The following MGAT5B variants were observed in gnomAD, a reference collection of about 807,000 sequenced individuals.
The protein encoded by MGAT5B is N-acetylglucosaminyl-transferase Vb.
MGAT5B carries 54 observed loss-of-function variants against 95.1 expected under a neutral mutation model. The ratio of observed to expected loss-of-function variants is 0.57; its 90% CI spans 0.46 to 0.71. MGAT5B has a LOEUF of 0.71. Among genes scored for constraint, MGAT5B ranks in the 30% least tolerant of loss-of-function variants. The pLI is 0.00. For synonymous variants in MGAT5B, 464 were observed against 451.0 expected (o/e 1.03, Z -0.36); for missense variants, 935 against 1,088.6 (o/e 0.86, Z 1.99).
At position 76,926,745 on chromosome 17, in the gene MGAT5B, G is replaced by A. The variant is rs1387018642; in HGVS notation, c.1291+15G>A. On this transcript the variant is annotated intron_variant, in intron 10 of 17. Coordinates refer to ENST00000569840, the MANE Select transcript of MGAT5B (RefSeq NM_001199172.2). ...GACCATGTTTCGTGAGTGCCCCACA[G>A]GGCAGGGGTGGGGTCGGAGGTCCTC... is the stretch of plus-strand genomic sequence containing the variant. 1.9e-6 allele frequency: 3 copies of A among 1,611,582 alleles called. No homozygotes were observed. Among genetic ancestry groups the A allele is most frequent in the Admixed American group, 3.3e-5 (2 of 59,908 alleles).
At chr17:76,875,319 T>C (rs1382248583) in intron 2 of MGAT5B, among the ~76,000 whole-genome samples, 1 of 152,178 alleles carries the variant, frequency 6.6e-6, no homozygotes, top group Non-Finnish European at 1.5e-5. Context: ...CTTGGTGCTG[T>C]TCTTGTGATG....
At chr17:76,895,128 A>G (rs562551521) in intron 3 of MGAT5B, among the ~76,000 whole-genome samples, 1 of 152,290 alleles carries the variant, frequency 6.6e-6, no homozygotes, top group South Asian at 2.1e-4. Flanking sequence ...CAGCAGCAGC[A>G]TTAGATTCTT....
intron 8 of MGAT5B, among the ~76,000 whole-genome samples, chr17:76,907,113 G>A (rs545338428): frequency 6.6e-6 from 1 of 150,984 alleles, no homozygotes; most frequent in African/African-American, 2.4e-5. Flanking sequence ...GTGCAGTGGC[G>A]TGACCTTGGC....
At chr17:76,881,717 T>C (rs575385804) in intron 2 of MGAT5B, among the ~76,000 whole-genome samples, 10 of 152,350 alleles carry the variant, frequency 6.6e-5, no homozygotes, top group African/African-American at 2.4e-4. Context: ...AACCCTGATC[T>C]AGAAGTCCTG....
chr17:76,948,701 C>T lies in MGAT5B; in HGVS notation c.2242C>T (p.Gln748Ter). 1 of 1,613,462 alleles carries T rather than the reference C, an allele frequency of 6.2e-7. No homozygotes were observed. The highest frequency in any genetic ancestry group is 8.5e-7 in the Non-Finnish European group (1 of 1,179,854). The change falls in exon 18 of 18, where the codon CAG becomes TAG. Residue 748 changes from glutamine (Q) to a stop codon, truncating the protein, a stop_gained. Transcript: ENST00000569840. LOFTEE classifies it high-confidence loss of function. ...EMNHLYPAFA[Q>*]PGQECYLQKE... ...GAACCACCTGTACCCGGCGTTCGCCCAGCCTGGCCAGGAGTGCTACCTGCA... is the reference window on the plus strand; with the variant it reads ...GAACCACCTGTACCCGGCGTTCGCCTAGCCTGGCCAGGAGTGCTACCTGCA...
chr17:76,875,924 G>A (rs1260863158), intron 2 of MGAT5B, among the ~76,000 whole-genome samples: 1 of 151,920 alleles, frequency 6.6e-6, no homozygotes, highest in East Asian at 1.9e-4. Flanking sequence ...CATTTCCCAG[G>A]CCTCAGAAGC....
chr17:76,877,163 T>C (rs1967222276), intron 2 of MGAT5B, among the ~76,000 whole-genome samples: 1 of 151,614 alleles, frequency 6.6e-6, no homozygotes, highest in Non-Finnish European at 1.5e-5. Context: ...CCATCTCTAC[T>C]AAAAATACAA....
At chr17:76,883,462 A>G (rs1398537769) in intron 3 of MGAT5B, among the ~76,000 whole-genome samples, 1 of 152,152 alleles carries the variant, frequency 6.6e-6, no homozygotes, top group Non-Finnish European at 1.5e-5. Context: ...CTGTGCTGCT[A>G]TCCTACAAGC....
In MGAT5B at chr17:76,905,047, G is replaced by A; in HGVS notation, c.691-122G>A. 1 of 1,087,014 alleles carries A rather than the reference G, an allele frequency of 9.2e-7. No individual in the cohort carries two copies. Among genetic ancestry groups the A allele is most frequent in the Non-Finnish European group, 1.3e-6 (1 of 777,906 alleles). The allele number at this position is 1,087,014 out of a possible 1,614,324, so 67.3% of individuals were successfully genotyped here. Reference sequence around the variant, plus strand: ...GGGGCTAATGAGCCCCTTAGAAAGTGCAGGAGAAGCTGGAGCAGGCCCCAG... The same window carrying A: ...GGGGCTAATGAGCCCCTTAGAAAGTACAGGAGAAGCTGGAGCAGGCCCCAG... On this transcript the variant is annotated intron_variant, in intron 6 of 17. Coordinates refer to ENST00000569840, the MANE Select transcript of MGAT5B (RefSeq NM_001199172.2). The surrounding 1 kb of genome is among the most constrained non-coding windows in gnomAD (Gnocchi z 4.2).
intron 3 of MGAT5B, among the ~76,000 whole-genome samples, chr17:76,882,948 C>T (rs1967490357): frequency 6.6e-6 from 1 of 151,986 alleles, no homozygotes; most frequent in South Asian, 2.1e-4. Flanking sequence ...CTGCTGACCT[C>T]ATGATCCACC....
chr17:76,905,110 C>T lies in MGAT5B; in HGVS notation c.691-59C>T, dbSNP rs1332887717. 1.4e-5 allele frequency: 21 copies of T among 1,525,896 alleles called. No homozygotes were observed. Among genetic ancestry groups the T allele is most frequent in the South Asian group, 5.0e-5 (4 of 79,370 alleles). 94.5% of individuals were successfully genotyped at this position (1,525,896 alleles called of 1,614,324 possible). ...GTGCCAGCCCCTGTCCCCAGGCCAG[C>T]GGGGAATGATGGTGGCCGCAGGTTG... On this transcript the variant is annotated intron_variant, in intron 6 of 17. Transcript: ENST00000569840. The surrounding 1 kb of genome is among the most constrained non-coding windows in gnomAD (Gnocchi z 4.2).
intron 8 of MGAT5B, among the ~76,000 whole-genome samples, chr17:76,919,734 T>C (rs1969065369): frequency 1.3e-5 from 2 of 152,210 alleles, no homozygotes; most frequent in Admixed American, 1.3e-4. Context: ...CCGGGCTGGC[T>C]TTTTACAAAC....
Position 76,902,688 on chromosome 17 carries a change from G to T in MGAT5B, c.445+18G>T. 1 of 1,543,278 alleles carries T rather than the reference G, an allele frequency of 6.5e-7. No homozygotes were observed. Among genetic ancestry groups the T allele is most frequent in the Non-Finnish European group, 8.8e-7 (1 of 1,136,006 alleles). On this transcript the variant is annotated intron_variant, in intron 4 of 17. Transcript: ENST00000569840. The stretch of plus-strand genomic sequence containing the variant: ...CAGCAAGGGTGGGTGCCAGGGGGCG[G>T]GGGTACCCTCTACCCCTAGGGGGCC...
In MGAT5B at chr17:76,948,009, C is replaced by T. The variant is rs747355351; in HGVS notation, c.2103C>T (p.Thr701=). 1.4e-5 allele frequency: 23 copies of T among 1,612,702 alleles called. No individual in the cohort carries two copies. Among genetic ancestry groups the T allele is most frequent in the Admixed American group, 5.0e-5 (3 of 59,894 alleles). ...TGGCCGTGCCTGGGAGGGCCTGCAC[C>T]GACACCTGCCTGGACCACGGGCTAA... ...AWLAVPGRAC[T]DTCLDHGLIC... The change falls in exon 17 of 18, where the codon ACC becomes ACT. Residue 701 remains threonine (T), a synonymous_variant. Transcript: ENST00000569840.
rs747388780 is a variant in MGAT5B at position 76,903,285 on chromosome 17, G to C, written c.446-18G>C. ...CTCCTTGGACCAGGGACTTCAGCAAGGTGACCTCTCCCTACAGTGTCAGAA... is the reference window on the plus strand; with the variant it reads ...CTCCTTGGACCAGGGACTTCAGCAACGTGACCTCTCCCTACAGTGTCAGAA... On this transcript the variant is annotated intron_variant, in intron 4 of 17. Transcript: ENST00000569840. The C allele has an allele frequency of 3.1e-6, 5 of 1,603,600 alleles. No homozygotes were observed. The highest frequency in any genetic ancestry group is 4.3e-6 in the Non-Finnish European group (5 of 1,174,546).
At chr17:76,872,767 A>G (rs756094367) in intron 1 of MGAT5B, 84 bp from the exon 2 acceptor site, 3 of 1,611,288 alleles carry the variant, frequency 1.9e-6, no homozygotes, top group Non-Finnish European at 2.5e-6. Context: ...CATTCGTAAA[A>G]CATTTGTGCA....
chr17:76,938,504 G>A lies in MGAT5B; in HGVS notation c.1584+361G>A, dbSNP rs904022050. Among the ~76,000 whole-genome samples, 2 of 152,216 alleles carry A rather than the reference G, an allele frequency of 1.3e-5. No individual in the cohort carries two copies. The highest frequency in any genetic ancestry group is 2.9e-5 in the Non-Finnish European group (2 of 68,040). On this transcript the variant is annotated intron_variant, in intron 13 of 17. Transcript: ENST00000569840. The surrounding 1 kb of genome is among the most constrained non-coding windows in gnomAD (Gnocchi z 4.3). ...ACACTGAGCTGGGGGGTGGTTGGGT[G>A]GGTGGAGAGAAGGGTCCTGGCTAGA... is the stretch of plus-strand genomic sequence containing the variant.
At chr17:76,896,113 C>A (rs988746098) in intron 3 of MGAT5B, among the ~76,000 whole-genome samples, 1 of 152,224 alleles carries the variant, frequency 6.6e-6, no homozygotes, top group East Asian at 1.9e-4. Flanking sequence ...TGGCCACCAT[C>A]CCCCCAGTCC....
chr17:76,922,025 G>A (rs867875130), intron 8 of MGAT5B, among the ~76,000 whole-genome samples: 7 of 152,156 alleles, frequency 4.6e-5, no homozygotes, highest in Non-Finnish European at 8.8e-5. Context: ...CCTTAGAACC[G>A]CAGCGTGGTG....
Sources: allele counts gnomAD v4.1 joint callset (sites outside exome capture counted in the v4.1 genomes callset), GRCh38; gene constraint gnomAD v4.1.1; non-coding constraint Gnocchi (gnomAD v3.1); transcripts MANE v1.5; gene names NCBI Gene and HGNC (gene_info 2026-07-23, HGNC 2026-07-21).